PPARGC1B: variants seen among roughly 807,000 people sequenced by gnomAD.
PPARGC1B encodes PPARG coactivator 1 beta, also known as peroxisome proliferator-activated receptor gamma coactivator 1-beta.
A neutral mutation model predicts 101.6 loss-of-function variants in PPARGC1B; 34 were observed. That is an observed-to-expected ratio of 0.33 (90% CI 0.25 to 0.45). The LOEUF (loss-of-function observed/expected upper bound fraction) is 0.45. Among genes scored for constraint, PPARGC1B ranks in the 20% least tolerant of loss-of-function variants. The pLI is 1.00. For synonymous variants in PPARGC1B, 548 were observed against 539.3 expected, an observed-to-expected ratio of 1.02 and a Z score of -0.22; for missense variants, 1,234 against 1,317.6, an observed-to-expected ratio of 0.94 and a Z score of 0.98.
intron 1 of PPARGC1B, among the ~76,000 whole-genome samples, chr5:149,784,803 G>A (rs74340302): frequency 0.11 from 16,993 of 151,756 alleles, 1,252 homozygotes; most frequent in Admixed American, 0.23. Context: ...TCCTGACCTT[G>A]TCATCCGCCT....
rs749377390 is a variant in PPARGC1B, at chr5:149,833,658, G to T, written c.1585G>T (p.Asp529Tyr). The T allele has an allele frequency of 6.2e-7, 1 of 1,610,238 alleles. No homozygotes were observed. The highest frequency in any genetic ancestry group is 8.5e-7 in the Non-Finnish European group (1 of 1,178,562). ...GGAGCTGGGCAGCCCCACGGACGAG[G>T]ACAGTGGCCAAGACCAGCAGCTCCT... ...ERELGSPTDE[D>Y]SGQDQQLLRG... is the part of the protein sequence containing the mutation. The change falls in exon 5 of 12, where the codon GAC becomes TAC. Residue 529 changes from aspartate (D) to tyrosine (Y), a missense_variant. Physicochemically the swap from Asp to Tyr is radical, Grantham distance 160. Transcript: ENST00000309241. The surrounding 1 kb of genome is among the most constrained non-coding windows in gnomAD (Gnocchi z 4.1).
At chr5:149,809,440 C>CGTAGATAGATAG (rs779860877) in intron 1 of PPARGC1B, among the ~76,000 whole-genome samples, 57 of 82,860 alleles carry the variant, frequency 6.9e-4, no homozygotes, top group African/African-American at 8.6e-4. Context: ...CCATCTCTAC[C>CGTAGATAGATAG]ATAGATAGAT....
rs1016862274 is a variant in PPARGC1B at position 149,833,577 on chromosome 5, C to T, written c.1504C>T (p.Pro502Ser). 6.3e-7 allele frequency: 1 copy of T among 1,598,606 alleles called. No individual in the cohort carries two copies. The highest frequency in any genetic ancestry group is 1.7e-5 in the Admixed American group (1 of 57,984). The change falls in exon 5 of 12, where the codon CCC becomes TCC. Residue 502 changes from proline to serine, a missense_variant. By Grantham distance (74) the Pro-to-Ser change is moderately conservative (BLOSUM62 -1). Transcript: ENST00000309241. This position sits in a 1 kb window ranked among gnomAD's most constrained non-coding sequence, Gnocchi z 4.1. The part of the protein sequence containing the change: ...FADEPLVPSE[P>S]QGALPSLCLA... ...AGATGAGCCGCTGGTCCCCTCGGAG[C>T]CCCAAGGTGCTCTGCCCTCACTGTG...
Position 149,835,412 on chromosome 5 carries a change from G to A in PPARGC1B, c.1807+47G>A, listed in dbSNP as rs201894752. On this transcript the variant is annotated intron_variant, in intron 7 of 11. Coordinates refer to ENST00000309241, the MANE Select transcript of PPARGC1B (RefSeq NM_133263.4). The stretch of plus-strand genomic sequence containing the variant: ...GGCAGGTGCCTTCAGGAAAACACCC[G>A]TGCATCTCTGAGTTTTTCATCATGC... The A allele has an allele frequency of 1.8e-5, 27 of 1,540,036 alleles. No homozygotes were observed. In the East Asian group the frequency reaches 3.4e-4, roughly 19 times the overall value.
chr5:149,784,061 A>C (rs1756694688), intron 1 of PPARGC1B, among the ~76,000 whole-genome samples: 1 of 151,760 alleles, frequency 6.6e-6, no homozygotes, highest in South Asian at 2.1e-4. Flanking sequence ...GCTTGTAGGC[A>C]CCTCACACTC....
chr5:149,829,825 C>G (rs1758676718), intron 3 of PPARGC1B, among the ~76,000 whole-genome samples: 2 of 151,746 alleles, frequency 1.3e-5, no homozygotes, highest in African/African-American at 4.8e-5. Flanking sequence ...CGCTTAAGGT[C>G]AGGAGTTTGA....
chr5:149,777,855 A>C (rs1756428469), intron 1 of PPARGC1B, among the ~76,000 whole-genome samples: 1 of 94,558 alleles, frequency 1.1e-5, no homozygotes, highest in African/African-American at 4.6e-5. Context: ...TCCATGTAGC[A>C]GTGCCCCCCT....
chr5:149,842,814 T>G (rs1336147743), intron 10 of PPARGC1B, among the ~76,000 whole-genome samples: 1 of 152,214 alleles, frequency 6.6e-6, no homozygotes, highest in Non-Finnish European at 1.5e-5. Context: ...GCACTGGGAC[T>G]CCACTCTACC....
intron 1 of PPARGC1B, among the ~76,000 whole-genome samples, chr5:149,742,873 GGA>G (rs1445069651): frequency 6.6e-6 from 1 of 152,196 alleles, no homozygotes; most frequent in African/African-American, 2.4e-5. Flanking sequence ...TGGTGTAACA[GGA>G]GGCATCTTTG....
At chr5:149,732,296 C>G (rs1254167885) in intron 1 of PPARGC1B, among the ~76,000 whole-genome samples, 2 of 152,276 alleles carry the variant, frequency 1.3e-5, no homozygotes, top group African/African-American at 2.4e-5. Context: ...GTCCCCAGAT[C>G]TCGAAATTGC....
In PPARGC1B at chr5:149,833,468, G is replaced by T; in HGVS notation, c.1395G>T (p.Leu465=). Residue 465 remains leucine (L), a synonymous_variant, in exon 5 of 12, where the codon CTG becomes CTT. Coordinates refer to ENST00000309241, the MANE Select transcript of PPARGC1B (RefSeq NM_133263.4). This position sits in a 1 kb window ranked among gnomAD's most constrained non-coding sequence, Gnocchi z 4.1. The part of the protein sequence containing the change: ...RPGRGLPWTK[L]GRKLESSVCP... ...GCCGAGGCCTGCCATGGACGAAGCT[G>T]GGGAGGAAGCTGGAGAGCTCTGTGT... 2 of 1,569,706 alleles carry T rather than the reference G, an allele frequency of 1.3e-6. No individual in the cohort carries two copies. Among genetic ancestry groups the T allele is most frequent in the East Asian group, 4.8e-5 (2 of 42,044 alleles).
Position 149,834,662 on chromosome 5 carries a change from T to C in PPARGC1B, c.1706-12T>C. On this transcript the variant is annotated splice_polypyrimidine_tract_variant and intron_variant, in intron 5 of 11. Transcript: ENST00000309241. ...TATTGGGGAATCTTATTTTTCTGTGTCTTCTTTTCAGACTCTCCCAGGTGC... is the reference window on the plus strand; with the variant it reads ...TATTGGGGAATCTTATTTTTCTGTGCCTTCTTTTCAGACTCTCCCAGGTGC... 6.2e-7 allele frequency: 1 copy of C among 1,612,954 alleles called. No individual in the cohort carries two copies. The highest frequency in any genetic ancestry group is 8.5e-7 in the Non-Finnish European group (1 of 1,178,944).
downstream of PPARGC1B, among the ~76,000 whole-genome samples, chr5:149,856,476 G>A (rs568680587): frequency 1.6e-3 from 243 of 152,248 alleles, no homozygotes; most frequent in African/African-American, 4.8e-3. Flanking sequence ...CCATCAGTCA[G>A]GAATTCCTGA....
chr5:149,808,963 C>G (rs2113314866), intron 1 of PPARGC1B, among the ~76,000 whole-genome samples: 1 of 152,202 alleles, frequency 6.6e-6, no homozygotes, highest in East Asian at 1.9e-4. Flanking sequence ...CTTAATGCCA[C>G]TGAACTGCAC....
chr5:149,781,135 G>A (rs7710442), intron 1 of PPARGC1B, among the ~76,000 whole-genome samples: 13,988 of 151,758 alleles, frequency 0.092, 2,185 homozygotes, highest in African/African-American at 0.32. Flanking sequence ...AACCCGGGAG[G>A]TGGAGGTTGC....
Position 149,851,702 on chromosome 5 carries a change from T to A in PPARGC1B, c.*4144T>A, listed in dbSNP as rs185000158. The A allele has an allele frequency of 6.6e-6, 1 of 152,348 alleles. No homozygotes were observed. Among genetic ancestry groups the A allele is most frequent in the African/African-American group, 2.4e-5 (1 of 41,564 alleles). 9.4% of individuals were successfully genotyped at this position (152,348 alleles called of 1,614,324 possible). ...TTAGTCCCCTAGTCCCTGAGGGGTT[T>A]TTACACACAGATGGGCTCCAGGTCT... On this transcript the variant is annotated 3_prime_UTR_variant, in exon 12 of 12. Transcript: ENST00000309241.
In PPARGC1B at chr5:149,809,289, C is replaced by CATAGATAG. The variant is rs202133455; in HGVS notation, c.79-11101_79-11094dup. 9.3e-3 allele frequency among the ~76,000 whole-genome samples: 119 copies of CATAGATAG among 12,774 alleles called. 10 individuals are homozygous for CATAGATAG. Among genetic ancestry groups the CATAGATAG allele is most frequent in the South Asian group, 0.011 (3 of 284 alleles). 8.4% of individuals were successfully genotyped at this position (12,774 alleles called of 152,430 possible). On this transcript the variant is annotated intron_variant, in intron 1 of 11. Transcript: ENST00000309241. ...GATAGATAGATAGATCCATCTCTAC[C>CATAGATAG]ATAGATAGATAGATAGATAGATAGA... is the stretch of plus-strand genomic sequence containing the variant.
intron 5 of PPARGC1B, 96 bp from the exon 6 acceptor site, chr5:149,834,578 T>G: frequency 1.8e-6 from 2 of 1,120,832 alleles, no homozygotes; most frequent in South Asian, 1.4e-5. Flanking sequence ...GCAGCTGTGC[T>G]TGGCACCAGT....
At chr5:149,835,944 G>T (rs1276254251) in intron 7 of PPARGC1B, among the ~76,000 whole-genome samples, 1 of 150,468 alleles carries the variant, frequency 6.6e-6, no homozygotes, top group Non-Finnish European at 1.5e-5. Flanking sequence ...CCCAAACTAG[G>T]GTCTTTTTTT....
Sources: gnomAD v4.1 joint callset for allele counts (sites outside exome capture counted in the v4.1 genomes callset) on GRCh38, gnomAD v4.1.1 for gene constraint, Gnocchi (gnomAD v3.1) non-coding constraint, MANE v1.5 for transcripts, NCBI Gene and HGNC (gene_info 2026-07-23, HGNC 2026-07-21) for gene names.